Variants in FBXO21 observed in about 807,000 individuals in gnomAD.
FBXO21 encodes F-box only protein 21.
Under a neutral mutation model 76.6 loss-of-function variants are expected in FBXO21, and 32 were observed. That is an observed-to-expected ratio of 0.42 (90% CI 0.32 to 0.56). The LOEUF (loss-of-function observed/expected upper bound fraction) is 0.56. Ranked by LOEUF, FBXO21 falls within the 20% of genes least tolerant of loss-of-function variation. The pLI is 0.16. For synonymous variants in FBXO21, 328 were observed against 311.5 expected, an observed-to-expected ratio of 1.05 and a Z score of -0.56; for missense variants, 586 against 797.3, an observed-to-expected ratio of 0.73 and a Z score of 3.19.
intron 11 of FBXO21, among the ~76,000 whole-genome samples, chr12:117,151,008 CG>C (rs1451901911): frequency 3.5e-5 from 4 of 115,112 alleles, no homozygotes; most frequent in Non-Finnish European, 3.6e-5. Flanking sequence ...GTGTGTCGGG[CG>C]GGGAGGACTG....
At chr12:117,169,345 G>A (rs1228643166) in intron 7 of FBXO21, among the ~76,000 whole-genome samples, 1 of 151,916 alleles carries the variant, frequency 6.6e-6, no homozygotes, top group African/African-American at 2.4e-5. Flanking sequence ...GAGACGATAA[G>A]GAAAAATAAC....
chr12:117,178,991 T>C (rs575769172), intron 3 of FBXO21, among the ~76,000 whole-genome samples: 4 of 152,188 alleles, frequency 2.6e-5, no homozygotes, highest in Admixed American at 2.0e-4. Flanking sequence ...ACTTGTTGAG[T>C]GGATAAAATT....
At chr12:117,179,939 C>T (rs941393110) in intron 3 of FBXO21, among the ~76,000 whole-genome samples, 19 of 149,042 alleles carry the variant, frequency 1.3e-4, no homozygotes, top group African/African-American at 4.6e-4. Context: ...TCTATTTATC[C>T]TTCAAAGGTG....
intron 3 of FBXO21, among the ~76,000 whole-genome samples, chr12:117,185,256 T>C (rs1384018292): frequency 6.6e-6 from 1 of 151,980 alleles, no homozygotes. Context: ...AATGGAAAAA[T>C]GACCTCTGCA....
At chr12:117,150,521 G>A (rs1955825079) in intron 11 of FBXO21, among the ~76,000 whole-genome samples, 1 of 152,198 alleles carries the variant, frequency 6.6e-6, no homozygotes. Flanking sequence ...TTATGTGTGT[G>A]TACTTAAACA....
intron 9 of FBXO21, among the ~76,000 whole-genome samples, chr12:117,162,089 G>A (rs970142837): frequency 2.6e-5 from 4 of 152,190 alleles, no homozygotes; most frequent in African/African-American, 9.7e-5. Flanking sequence ...GAGGAGGAAA[G>A]GTGGCAACCC....
intron 6 of FBXO21, among the ~76,000 whole-genome samples, chr12:117,173,536 A>C (rs747162096): frequency 3.3e-5 from 5 of 152,254 alleles, no homozygotes; most frequent in African/African-American, 4.8e-5. Flanking sequence ...TAAATATAAC[A>C]GATGCAAACT....
intron 7 of FBXO21, among the ~76,000 whole-genome samples, chr12:117,170,592 C>T (rs940740883): frequency 6.6e-6 from 1 of 152,168 alleles, no homozygotes; most frequent in Non-Finnish European, 1.5e-5. Flanking sequence ...CCCAGCAGCT[C>T]CTGCCTTGTC....
intron 9 of FBXO21, among the ~76,000 whole-genome samples, chr12:117,160,446 G>C (rs1236457055): frequency 6.6e-6 from 1 of 152,078 alleles, no homozygotes; most frequent in Non-Finnish European, 1.5e-5. Context: ...AAAGGCTACT[G>C]GGCATCTGCA....
At position 117,166,906 on chromosome 12, in the gene FBXO21, C is replaced by G; in HGVS notation, c.1185G>C (p.Leu395=). The change falls in exon 8 of 12, where the codon CTG becomes CTC. Residue 395 remains leucine, a synonymous_variant. Transcript: ENST00000622495. ...LQRMVGNLLS[L]GKREGIDQSY... is the part of the protein sequence containing the mutation. ...AACCAAGAAAACCTTACCGCTTCCC[C>G]AGGCTTAACAGGTTTCCCACCATTC... is the stretch of plus-strand genomic sequence containing the variant. 6.2e-7 allele frequency: 1 copy of G among 1,614,070 alleles called. No individual in the cohort carries two copies. The highest frequency in any genetic ancestry group is 8.5e-7 in the Non-Finnish European group (1 of 1,179,928).
At chr12:117,178,573 T>C (rs1375406510) in intron 3 of FBXO21, among the ~76,000 whole-genome samples, 1 of 151,932 alleles carries the variant, frequency 6.6e-6, no homozygotes, top group East Asian at 1.9e-4. Context: ...CCCCATTACC[T>C]CTCTGACCCC....
intron 8 of FBXO21, among the ~76,000 whole-genome samples, chr12:117,166,607 G>A (rs559941622): frequency 6.6e-6 from 1 of 152,214 alleles, no homozygotes; most frequent in Admixed American, 6.5e-5. Context: ...AATTTTCTTG[G>A]ACTTAGAAAC....
intron 6 of FBXO21, 85 bp downstream of exon 6, chr12:117,174,119 AG>A (rs1956148820): frequency 1.8e-6 from 2 of 1,116,676 alleles, no homozygotes; most frequent in Non-Finnish European, 2.7e-6. Flanking sequence ...CCTGAGCAAC[AG>A]AGCGAGACCC....
intron 9 of FBXO21, among the ~76,000 whole-genome samples, chr12:117,163,201 G>A (rs74767318): frequency 0.022 from 3,281 of 152,280 alleles, 128 homozygotes; most frequent in African/African-American, 0.075. Context: ...GCATCACTTC[G>A]ACAATGACTC....
intron 7 of FBXO21, among the ~76,000 whole-genome samples, chr12:117,171,479 A>G (rs1956118462): frequency 6.6e-6 from 1 of 151,742 alleles, no homozygotes; most frequent in Non-Finnish European, 1.5e-5. Context: ...GTAATGTTTT[A>G]TTTCTTAAAC....
intron 11 of FBXO21, 87 bp downstream of exon 11, chr12:117,155,704 C>G (rs551167910): frequency 1.4e-6 from 2 of 1,410,758 alleles, no homozygotes; most frequent in East Asian, 5.0e-5. Context: ...ACCGATGGCC[C>G]ACGCCCACAG....
intron 11 of FBXO21, among the ~76,000 whole-genome samples, chr12:117,152,023 G>A (rs956460097): frequency 6.6e-6 from 1 of 151,014 alleles, no homozygotes; most frequent in Non-Finnish European, 1.5e-5. Flanking sequence ...GGCCCCTGAT[G>A]AGACCCAGTG....
chr12:117,186,086 A>G (rs1956281079), intron 3 of FBXO21, among the ~76,000 whole-genome samples: 1 of 152,200 alleles, frequency 6.6e-6, no homozygotes, highest in Non-Finnish European at 1.5e-5. Context: ...CACGTTGGCC[A>G]GGCTGGTCGC....
intron 2 of FBXO21, among the ~76,000 whole-genome samples, chr12:117,187,420 CAAAAAAAAA>C (rs921514232): frequency 3.4e-5 from 2 of 59,694 alleles, no homozygotes; most frequent in Non-Finnish European, 6.0e-5. Context: ...AACTCTGTCT[CAAAAAAAAA>C]AAAAAAAAAA....
Sources: gnomAD v4.1 joint callset for allele counts (sites outside exome capture counted in the v4.1 genomes callset) on GRCh38, gnomAD v4.1.1 for gene constraint, MANE v1.5 for transcripts, NCBI Gene and HGNC (gene_info 2026-07-23, HGNC 2026-07-21) for gene names.